The following UGCG variants were observed in gnomAD, a reference collection of about 807,000 sequenced individuals.
The protein encoded by UGCG is ceramide glucosyltransferase.
In UGCG, 10 loss-of-function variants were observed where a neutral mutation model predicts 49.5. That is an observed-to-expected ratio of 0.20 (90% CI 0.12 to 0.34). The LOEUF (loss-of-function observed/expected upper bound fraction) is 0.34, where lower values mean the gene tolerates loss of function less well. Among genes scored for constraint, UGCG ranks in the 10% least tolerant of loss-of-function variants. The pLI is 1.00. For synonymous variants in UGCG, 182 were observed against 158.2 expected, an observed-to-expected ratio of 1.15 and a Z score of -1.13; for missense variants, 312 against 483.7, an observed-to-expected ratio of 0.65 and a Z score of 3.33.
At chr9:111,907,875 C>G (rs1056807868) in intron 1 of UGCG, among the ~76,000 whole-genome samples, 1 of 152,100 alleles carries the variant, frequency 6.6e-6, no homozygotes, top group Non-Finnish European at 1.5e-5. Flanking sequence ...ATTATCCTCC[C>G]GCCTTGGCCT....
intron 3 of UGCG, among the ~76,000 whole-genome samples, chr9:111,924,564 G>A (rs1007129785): frequency 3.3e-5 from 5 of 152,052 alleles, no homozygotes; most frequent in African/African-American, 1.2e-4. Flanking sequence ...GTGAAACAGT[G>A]AATTTTCAAA....
At chr9:111,900,315 A>G (rs936642246) in intron 1 of UGCG, among the ~76,000 whole-genome samples, 1 of 152,012 alleles carries the variant, frequency 6.6e-6, no homozygotes, top group Non-Finnish European at 1.5e-5. Context: ...ACCTCATATT[A>G]TTATTATTTC....
At chr9:111,920,350 T>A (rs1290525986) in intron 2 of UGCG, among the ~76,000 whole-genome samples, 1 of 152,262 alleles carries the variant, frequency 6.6e-6, no homozygotes, top group South Asian at 2.1e-4. Context: ...TGTGATCAAC[T>A]GCAAATTTCT....
intron 1 of UGCG, among the ~76,000 whole-genome samples, chr9:111,910,058 G>T (rs1837967684): frequency 6.6e-6 from 1 of 152,154 alleles, no homozygotes; most frequent in Non-Finnish European, 1.5e-5. Flanking sequence ...GAGTCAGAAT[G>T]AATCTATGAT....
At chr9:111,901,082 C>G (rs971173774) in intron 1 of UGCG, among the ~76,000 whole-genome samples, 1 of 152,266 alleles carries the variant, frequency 6.6e-6, no homozygotes, top group East Asian at 1.9e-4. Flanking sequence ...TCCTGAAGTT[C>G]TGGGATTACG....
chr9:111,932,037 C>T (rs72757817), intron 7 of UGCG, 133 bp from the exon 8 acceptor site: 18 of 886,170 alleles, frequency 2.0e-5, no homozygotes, highest in Admixed American at 3.0e-5. Context: ...AAAAAAAAAA[C>T]AAAACAAAAA....
At position 111,932,201 on chromosome 9, in the gene UGCG, G is replaced by A. The variant is rs1838438928; in HGVS notation, c.856G>A (p.Ala286Thr). The A allele has an allele frequency of 1.2e-6, 2 of 1,613,808 alleles. No individual in the cohort carries two copies. Among genetic ancestry groups the A allele is most frequent in the Non-Finnish European group, 8.5e-7 (1 of 1,179,962 alleles). The change falls in exon 8 of 9, where the codon GCT (alanine) becomes ACT (threonine). Residue 286 changes from alanine (A) to threonine (T), a missense_variant. Physicochemically the swap from Ala to Thr is moderately conservative, Grantham distance 58. Around this residue, in one of 4 missense-constraint regions of UGCG, gnomAD observed 180 missense variants for 320.4 expected, o/e 0.56. Transcript: ENST00000374279. ...CAAACTACGAATTAACATGCTTCCT[G>A]CTACAATAATTTGTGAGCCAATTTC... Reference protein sequence around the residue: ...WTKLRINMLPATIICEPISEC... With the variant: ...WTKLRINMLPTTIICEPISEC...
At chr9:111,932,725 A>T in intron 8 of UGCG, 102 bp from the exon 9 acceptor site, 1 of 1,122,980 alleles carries the variant, frequency 8.9e-7, no homozygotes, top group Non-Finnish European at 1.3e-6. Context: ...ACTTGATTTT[A>T]CATAGTATAC....
At position 111,897,140 on chromosome 9, in the gene UGCG, A is replaced by T. The variant is rs1168280389; in HGVS notation, c.-76A>T. The T allele has an allele frequency of 8.2e-6, 9 of 1,097,640 alleles. No individual in the cohort carries two copies. Among genetic ancestry groups the T allele is most frequent in the Non-Finnish European group, 1.1e-5 (9 of 847,278 alleles). 68.0% of individuals were successfully genotyped at this position (1,097,640 alleles called of 1,614,324 possible). ...TCCCGCGCCCCCGCACCGGGCGCCC[A>T]CCCTGTCCTCCTCCTGCGGGAGCGT... On this transcript the variant is annotated 5_prime_UTR_variant, in exon 1 of 9. Transcript: ENST00000374279.
intron 1 of UGCG, among the ~76,000 whole-genome samples, chr9:111,905,949 A>T (rs1462765080): frequency 6.6e-6 from 1 of 152,222 alleles, no homozygotes; most frequent in Non-Finnish European, 1.5e-5. Flanking sequence ...AATTATTTTT[A>T]AAAATTGAGA....
At chr9:111,929,410 T>C in intron 5 of UGCG, 90 bp from the exon 6 acceptor site, 1 of 1,347,870 alleles carries the variant, frequency 7.4e-7, no homozygotes, top group Non-Finnish European at 1.0e-6. Flanking sequence ...TCAATCATAC[T>C]TATAAAAAAA....
intron 8 of UGCG, among the ~76,000 whole-genome samples, 153 bp from the exon 9 acceptor site, chr9:111,932,674 T>C (rs1342723033): frequency 1.3e-5 from 2 of 152,254 alleles, no homozygotes; most frequent in Non-Finnish European, 1.5e-5. Context: ...AGCATTTTCT[T>C]GAACGGTATA....
At chr9:111,902,580 A>G (rs1356142649) in intron 1 of UGCG, among the ~76,000 whole-genome samples, 4 of 152,264 alleles carry the variant, frequency 2.6e-5, no homozygotes, top group Non-Finnish European at 5.9e-5. Flanking sequence ...CTGATATAGC[A>G]GTGAACCTAA....
At chr9:111,923,691 G>A (rs1838269326) in intron 3 of UGCG, among the ~76,000 whole-genome samples, 2 of 151,754 alleles carry the variant, frequency 1.3e-5, no homozygotes, top group African/African-American at 2.4e-5. Context: ...GGAGTGCAAT[G>A]GCACAATTTC....
intron 2 of UGCG, among the ~76,000 whole-genome samples, chr9:111,921,801 G>GTTTTTTTTTTT (rs1564203243): frequency 1.2e-4 from 6 of 48,058 alleles, no homozygotes; most frequent in Admixed American, 2.6e-4. Flanking sequence ...GCCCCAGGGT[G>GTTTTTTTTTTT]ATTTTTTTTT....
rs548788752 is a variant in UGCG, at chr9:111,927,147, G to A, written c.558+651G>A. ...CAGCCTCCCAAAGTGCTGGGATTAC[G>A]GGCATGAGCCACTGCGCCCAGCCCT... is the stretch of plus-strand genomic sequence containing the variant. On this transcript the variant is annotated intron_variant, in intron 5 of 8. Transcript: ENST00000374279. 1.9e-4 allele frequency among the ~76,000 whole-genome samples: 29 copies of A among 151,776 alleles called. No individual in the cohort carries two copies. The East Asian group carries it at 5.4e-3, about 28-fold the overall frequency.
At chr9:111,927,682 ACCTCGTGATCCAC>A (rs1056511722) in intron 5 of UGCG, among the ~76,000 whole-genome samples, 10 of 151,884 alleles carry the variant, frequency 6.6e-5, no homozygotes, top group Admixed American at 5.9e-4. Context: ...CGATCTCCTG[ACCTCGTGATCCAC>A]CCTCCTCTGC....
chr9:111,916,070 CT>C (rs1838104900), intron 2 of UGCG, among the ~76,000 whole-genome samples: 2 of 151,876 alleles, frequency 1.3e-5, no homozygotes, highest in Admixed American at 6.6e-5. Flanking sequence ...ATTGTATATA[CT>C]TGTTTTTTCA....
intron 6 of UGCG, among the ~76,000 whole-genome samples, chr9:111,930,319 C>T (rs1398286904): frequency 2.0e-5 from 3 of 152,094 alleles, no homozygotes; most frequent in Non-Finnish European, 4.4e-5. Flanking sequence ...ACTATCAGTG[C>T]AGTCATAAAC....
Sources: allele counts gnomAD v4.1 joint callset (sites outside exome capture counted in the v4.1 genomes callset), GRCh38; gene constraint gnomAD v4.1.1; regional missense constraint gnomAD v4.1.1; transcripts MANE v1.5; gene names NCBI Gene and HGNC (gene_info 2026-07-23, HGNC 2026-07-21).